Variants in PCDHGB2 observed in about 807,000 individuals in gnomAD.
PCDHGB2 encodes the protein protocadherin gamma subfamily B, 2, also known as protocadherin gamma-B2.
In PCDHGB2, 55 loss-of-function variants were observed where a neutral mutation model predicts 59.3. The observed-to-expected ratio is 0.93, with a 90% CI of 0.75 to 1.16. PCDHGB2 has a LOEUF of 1.16. Ranked by LOEUF, PCDHGB2 falls within the 50% of genes most tolerant of loss-of-function variation. The probability of loss-of-function intolerance (pLI) is 0.00; values close to 1 mark genes in which losing one functional copy is unlikely to be tolerated. For synonymous variants in PCDHGB2, 516 were observed against 512.0 expected (o/e 1.01, Z -0.11); for missense variants, 1,228 against 1,198.5 (o/e 1.02, Z -0.36).
rs13158033 is a variant in PCDHGB2 at position 141,367,145 on chromosome 5, T to C, written c.2421+4589T>C. The C allele has an allele frequency of 2.1e-3, 361 of 168,776 alleles. 1 individual carries two copies. The highest frequency in any genetic ancestry group is 0.012 in the Middle Eastern group (4 of 326). 10.5% of individuals were successfully genotyped at this position (168,776 alleles called of 1,614,324 possible). A position where few individuals can be genotyped will look rare whatever the true frequency, so the allele number is the denominator to read the frequency against. ...AATGTGTTTTGGAAAGGATAATGTATAGGACTGATATTTTAGTCTACCTGA... is the reference window on the plus strand; with the variant it reads ...AATGTGTTTTGGAAAGGATAATGTACAGGACTGATATTTTAGTCTACCTGA... On this transcript the variant is annotated intron_variant, in intron 1 of 3. Transcript: ENST00000522605.
At chr5:141,510,272 TAA>T (rs546154379) in intron 3 of PCDHGB2, among the ~76,000 whole-genome samples, 46 of 130,286 alleles carry the variant, frequency 3.5e-4, no homozygotes, top group South Asian at 5.0e-4. Context: ...GACTCCATCT[TAA>T]AAAAAAAAAA....
At chr5:141,474,159 G>A (rs2154571930) in intron 1 of PCDHGB2, among the ~76,000 whole-genome samples, 1 of 152,226 alleles carries the variant, frequency 6.6e-6, no homozygotes, top group South Asian at 2.1e-4. Context: ...GAAAATGACA[G>A]GCCTTATTAT....
intron 1 of PCDHGB2, among the ~76,000 whole-genome samples, chr5:141,482,765 T>C (rs2099572013): frequency 7.9e-6 from 1 of 127,068 alleles, no homozygotes; most frequent in African/African-American, 3.6e-5. Flanking sequence ...TATTTCATTA[T>C]CACTGAACCT....
chr5:141,363,428 A>G (rs1396844187), intron 1 of PCDHGB2, among the ~76,000 whole-genome samples: 2 of 152,214 alleles, frequency 1.3e-5, no homozygotes, highest in African/African-American at 4.8e-5. Context: ...CTGTCTCAAC[A>G]TAGAAAGGTC....
intron 1 of PCDHGB2, chr5:141,395,122 T>C (rs72790033): frequency 0.028 from 44,899 of 1,614,158 alleles, 731 homozygotes; most frequent in Non-Finnish European, 0.032. Flanking sequence ...CACCTGATCT[T>C]TCCCCAGCCC....
At chr5:141,376,788 G>A (rs944207667) in intron 1 of PCDHGB2, 10 of 365,346 alleles carry the variant, frequency 2.7e-5, no homozygotes, top group Non-Finnish European at 4.9e-5. Context: ...CCGGGTTCAC[G>A]CCATTCTCCT....
intron 1 of PCDHGB2, among the ~76,000 whole-genome samples, chr5:141,434,703 G>C (rs1198306104): frequency 6.6e-6 from 1 of 151,730 alleles, no homozygotes; most frequent in Non-Finnish European, 1.5e-5. Context: ...TAAATATGTG[G>C]GTAAATCTCT....
chr5:141,366,185 GT>G (rs1375353655), intron 1 of PCDHGB2: 1 of 1,613,892 alleles, frequency 6.2e-7, no homozygotes, highest in East Asian at 2.2e-5. Context: ...ACTCTTTGCG[GT>G]TGGGCTGCAC....
intron 1 of PCDHGB2, chr5:141,410,156 C>T: frequency 6.2e-7 from 1 of 1,613,514 alleles, no homozygotes; most frequent in Non-Finnish European, 8.5e-7. Context: ...CGGTGGACAG[C>T]CGCCACTCTC....
At chr5:141,433,123 C>T (rs575738328) in intron 1 of PCDHGB2, 5 of 1,614,116 alleles carry the variant, frequency 3.1e-6, no homozygotes, top group African/African-American at 2.7e-5. Context: ...TTGAAAAAAG[C>T]GAGCCCCTTT....
intron 1 of PCDHGB2, chr5:141,394,617 G>T (rs369651266): frequency 8.1e-6 from 13 of 1,613,372 alleles, no homozygotes; most frequent in Non-Finnish European, 1.1e-5. Flanking sequence ...GGGCCAGAAC[G>T]CCTGGCTGTC....
chr5:141,432,949 CG>C lies in PCDHGB2; in HGVS notation c.2422-61856del, dbSNP rs930064840. 6.2e-7 allele frequency: 1 copy of C among 1,614,066 alleles called. No individual in the cohort carries two copies. Among genetic ancestry groups the C allele is most frequent in the African/African-American group, 1.3e-5 (1 of 74,930 alleles). ...CACGCCTGCTGCAGGCTTCAGGAGG[CG>C]GCTTGACAGGAGCGCCGGCGTCGCA... On this transcript the variant is annotated intron_variant, in intron 1 of 3. Transcript: ENST00000522605. This position sits in a 1 kb window ranked among gnomAD's most constrained non-coding sequence, Gnocchi z 6.0.
At chr5:141,400,065 A>G (rs1012484805) in intron 1 of PCDHGB2, 3 of 1,613,758 alleles carry the variant, frequency 1.9e-6, no homozygotes, top group African/African-American at 1.3e-5. Flanking sequence ...GTGATGGTGG[A>G]CAGCCGCCAC....
At chr5:141,408,353 G>A (rs1218585930) in intron 1 of PCDHGB2, 1 of 1,613,816 alleles carries the variant, frequency 6.2e-7, no homozygotes, top group Non-Finnish European at 8.5e-7. Flanking sequence ...GGGGAACCTC[G>A]CTAAGGATCT....
intron 1 of PCDHGB2, chr5:141,405,066 T>G: frequency 1.2e-6 from 2 of 1,613,866 alleles, no homozygotes; most frequent in South Asian, 2.2e-5. Context: ...TGTGTCTTCC[T>G]CACCTTCGTT....
At chr5:141,475,950 C>T (rs1236145505) in intron 1 of PCDHGB2, 3 of 761,526 alleles carry the variant, frequency 3.9e-6, no homozygotes, top group East Asian at 2.7e-5. Context: ...CCCCTTTCTG[C>T]GCCCCGGGAT....
intron 1 of PCDHGB2, chr5:141,410,146 C>G: frequency 6.2e-7 from 1 of 1,612,390 alleles, no homozygotes. Flanking sequence ...CTGTGCGTGA[C>G]GGTGGACAGC....
chr5:141,445,456 T>A (rs921684111), intron 1 of PCDHGB2, among the ~76,000 whole-genome samples: 8 of 152,218 alleles, frequency 5.3e-5, no homozygotes, highest in Non-Finnish European at 1.0e-4. Flanking sequence ...GATGCAGCAA[T>A]GAACAAGGCA....
At position 141,394,267 on chromosome 5, in the gene PCDHGB2, C is replaced by T. The variant is rs563732311; in HGVS notation, c.2421+31711C>T. 1.2e-5 allele frequency: 19 copies of T among 1,613,926 alleles called. No individual in the cohort carries two copies. In the South Asian group the frequency reaches 2.0e-4, roughly 17 times the overall value. On this transcript the variant is annotated intron_variant, in intron 1 of 3. Transcript: ENST00000522605. The stretch of plus-strand genomic sequence containing the variant: ...CACGACCCCGACAGCCAGGAGAATG[C>T]CCAGGTCACTTACTCTGTGACCGAG...
Sources: allele counts gnomAD v4.1 joint callset (sites outside exome capture counted in the v4.1 genomes callset), GRCh38; gene constraint gnomAD v4.1.1; non-coding constraint Gnocchi (gnomAD v3.1); transcripts MANE v1.5; gene names NCBI Gene and HGNC (gene_info 2026-07-23, HGNC 2026-07-21).